RHOBTB1: variants seen among roughly 807,000 people sequenced by gnomAD.
The protein encoded by RHOBTB1 is Rho related BTB domain containing 1.
Under a neutral mutation model 71.6 loss-of-function variants are expected in RHOBTB1, and 40 were observed. The observed-to-expected ratio is 0.56, with a 90% CI of 0.43 to 0.73. RHOBTB1 has a LOEUF of 0.73. Ranked by LOEUF, RHOBTB1 falls within the 30% of genes least tolerant of loss-of-function variation. The pLI, the probability that RHOBTB1 is intolerant of heterozygous loss-of-function variation, is 0.00. For synonymous variants in RHOBTB1, 319 were observed against 334.9 expected (o/e 0.95, Z 0.52); for missense variants, 797 against 894.0 (o/e 0.89, Z 1.38).
intron 2 of RHOBTB1, among the ~76,000 whole-genome samples, chr10:60,969,715 G>A (rs1304305597): frequency 6.6e-6 from 1 of 152,090 alleles, no homozygotes; most frequent in African/African-American, 2.4e-5. Flanking sequence ...CATCATCTAT[G>A]ACCTTTGAAG....
intron 7 of RHOBTB1, among the ~76,000 whole-genome samples, chr10:60,878,898 C>T (rs1449355739): frequency 1.3e-5 from 2 of 152,214 alleles, no homozygotes; most frequent in African/African-American, 4.8e-5. Flanking sequence ...TCTGTAACTC[C>T]ATGAGACAGG....
chr10:60,960,847 C>A (rs887225287), intron 2 of RHOBTB1, among the ~76,000 whole-genome samples: 1 of 152,182 alleles, frequency 6.6e-6, no homozygotes, highest in Non-Finnish European at 1.5e-5. Context: ...CTTGTTATTA[C>A]CACTTCAGGA....
At chr10:60,889,816 A>T (rs986096769) in intron 5 of RHOBTB1, among the ~76,000 whole-genome samples, 1 of 152,180 alleles carries the variant, frequency 6.6e-6, no homozygotes, top group Non-Finnish European at 1.5e-5. Context: ...GGACTATTGA[A>T]ATGTTTAAAT....
chr10:60,884,960 C>A (rs1219165929), intron 7 of RHOBTB1, among the ~76,000 whole-genome samples: 1 of 151,698 alleles, frequency 6.6e-6, no homozygotes, highest in Non-Finnish European at 1.5e-5. Flanking sequence ...ACTCTGTCTC[C>A]TGGGGTGGAG....
intron 2 of RHOBTB1, among the ~76,000 whole-genome samples, chr10:60,918,358 A>G (rs1039794641): frequency 7.2e-5 from 11 of 152,078 alleles, no homozygotes; most frequent in African/African-American, 2.4e-4. Context: ...TGCCTTGATG[A>G]CCTTCATGGT....
At chr10:60,875,861 T>C (rs1296232026) in intron 8 of RHOBTB1, among the ~76,000 whole-genome samples, 1 of 152,230 alleles carries the variant, frequency 6.6e-6, no homozygotes. Context: ...GTAAGGGCTG[T>C]CACCTGCCTC....
At chr10:60,897,161 T>C (rs766065263) in intron 4 of RHOBTB1, among the ~76,000 whole-genome samples, 5 of 152,106 alleles carry the variant, frequency 3.3e-5, no homozygotes, top group Non-Finnish European at 7.4e-5. Flanking sequence ...TAGCTAGACT[T>C]TGAACAGCAA....
chr10:60,972,872 G>C (rs1197542499), intron 2 of RHOBTB1, among the ~76,000 whole-genome samples: 1 of 151,830 alleles, frequency 6.6e-6, no homozygotes, highest in East Asian at 1.9e-4. Flanking sequence ...CTGCTTGGAA[G>C]GTAGCCTCAC....
At position 60,871,579 on chromosome 10, in the gene RHOBTB1, C is replaced by G; in HGVS notation, c.1994G>C (p.Arg665Pro). The G allele has an allele frequency of 6.2e-7, 1 of 1,614,098 alleles. No individual in the cohort carries two copies. Among genetic ancestry groups the G allele is most frequent in the Non-Finnish European group, 8.5e-7 (1 of 1,179,982 alleles). ...TTCCTTCTCTCGTTCCCTTTTCACA[C>G]GCTGGTAGTGATCTTCTTCCTTCAG... Reference protein sequence around the residue: ...WYLKEEDHYQRVKREREKEDI... With the variant: ...WYLKEEDHYQPVKREREKEDI... Residue 665 changes from arginine (R) to proline (P), a missense_variant, in exon 11 of 11, where the codon CGT becomes CCT. Physicochemically the swap from Arg to Pro is moderately radical, Grantham distance 103. Transcript: ENST00000337910.
intron 1 of RHOBTB1, among the ~76,000 whole-genome samples, chr10:60,998,032 T>G (rs975302927): frequency 6.6e-6 from 1 of 152,318 alleles, no homozygotes; most frequent in Non-Finnish European, 1.5e-5. Flanking sequence ...TCTAAGGTAT[T>G]GTCTAGACCT....
At chr10:60,867,942 A>C (rs1293317097), downstream of RHOBTB1, among the ~76,000 whole-genome samples, 2 of 152,232 alleles carry the variant, frequency 1.3e-5, no homozygotes, top group African/African-American at 4.8e-5. Context: ...GTCGAGGGAT[A>C]TGCAGTAATC....
chr10:60,883,592 C>T (rs574550773), intron 7 of RHOBTB1, among the ~76,000 whole-genome samples: 534 of 152,300 alleles, frequency 3.5e-3, no homozygotes, highest in Non-Finnish European at 6.4e-3. Flanking sequence ...CCTCCCAGCT[C>T]TTTATCTCCA....
rs2080830717 is a variant in RHOBTB1 at position 60,872,278 on chromosome 10, G to C, written c.1828C>G (p.His610Asp). Residue 610 changes from histidine (H) to aspartate (D), a missense_variant, in exon 10 of 11, where the codon CAC becomes GAC. Around this residue, in one of 2 missense-constraint regions of RHOBTB1, gnomAD observed 658 missense variants for 681.5 expected, o/e 0.97. Transcript: ENST00000337910. ...TGCAAACACCAGGCGGCCAACTGGT[G>C]GGCATTGTGAAACTGCAGAAAAGTG... ...YLELAQFHNA[H>D]QLAAWCLHHI... 6.2e-7 allele frequency: 1 copy of C among 1,613,726 alleles called. No homozygotes were observed. Among genetic ancestry groups the C allele is most frequent in the African/African-American group, 1.3e-5 (1 of 74,902 alleles).
intron 1 of RHOBTB1, among the ~76,000 whole-genome samples, chr10:60,987,051 G>A (rs531993174): frequency 1.6e-4 from 24 of 152,116 alleles, no homozygotes; most frequent in Middle Eastern, 3.2e-3. Flanking sequence ...GAGACAAAAC[G>A]GACAGCTGCA....
chr10:60,911,311 AT>A, intron 3 of RHOBTB1, 39 bp downstream of exon 3: 1 of 1,556,826 alleles, frequency 6.4e-7, no homozygotes, highest in Non-Finnish European at 8.8e-7. Flanking sequence ...ACCAGCAATG[AT>A]GTGCCCTAGG....
intron 2 of RHOBTB1, among the ~76,000 whole-genome samples, chr10:60,923,314 T>G (rs2083674513): frequency 6.6e-6 from 1 of 152,194 alleles, no homozygotes; most frequent in South Asian, 2.1e-4. Flanking sequence ...TTCATGTACT[T>G]AACCATGTAA....
intron 1 of RHOBTB1, among the ~76,000 whole-genome samples, chr10:60,998,414 G>A (rs1469252091): frequency 2.0e-5 from 3 of 152,316 alleles, no homozygotes; most frequent in African/African-American, 7.2e-5. Flanking sequence ...CCTACATTCT[G>A]ATGGGGAAGT....
At chr10:60,956,668 T>A (rs1429128552) in intron 2 of RHOBTB1, among the ~76,000 whole-genome samples, 2 of 152,104 alleles carry the variant, frequency 1.3e-5, no homozygotes, top group African/African-American at 4.8e-5. Flanking sequence ...AGACTTTTTT[T>A]TTTTTGTTAA....
At chr10:60,903,303 G>C (rs1462738549) in intron 4 of RHOBTB1, among the ~76,000 whole-genome samples, 1 of 152,190 alleles carries the variant, frequency 6.6e-6, no homozygotes, top group Non-Finnish European at 1.5e-5. Context: ...ACCAAGACAG[G>C]AGGCTGGGAA....
Sources: gnomAD v4.1 joint callset for allele counts (sites outside exome capture counted in the v4.1 genomes callset) on GRCh38, gnomAD v4.1.1 for gene constraint, gnomAD v4.1.1 regional missense constraint, MANE v1.5 for transcripts, NCBI Gene and HGNC (gene_info 2026-07-23, HGNC 2026-07-21) for gene names.